CSNK2A2: variants seen among roughly 807,000 people sequenced by gnomAD.
The protein encoded by CSNK2A2 is casein kinase 2 alpha 2.
In CSNK2A2, 8 loss-of-function variants were observed where a neutral mutation model predicts 54.0. The ratio of observed to expected loss-of-function variants is 0.15; its 90% CI spans 0.09 to 0.27. The LOEUF (loss-of-function observed/expected upper bound fraction) is 0.27. Among genes scored for constraint, CSNK2A2 ranks in the 10% least tolerant of loss-of-function variants. The pLI, the probability that CSNK2A2 is intolerant of heterozygous loss-of-function variation, is 1.00. For synonymous variants in CSNK2A2, 141 were observed against 153.9 expected (o/e 0.92, Z 0.62); for missense variants, 242 against 439.4 (o/e 0.55, Z 4.02).
intron 4 of CSNK2A2, among the ~76,000 whole-genome samples, chr16:58,178,658 G>A (rs1050760051): frequency 6.6e-6 from 1 of 152,158 alleles, no homozygotes; most frequent in East Asian, 1.9e-4. Flanking sequence ...TCATTCATTC[G>A]TTTCGAAGTT....
At chr16:58,196,644 A>T in intron 2 of CSNK2A2, 89 bp downstream of exon 2, 2 of 811,054 alleles carry the variant, frequency 2.5e-6, no homozygotes, top group Non-Finnish European at 4.4e-6. Flanking sequence ...TCAAGCTTGC[A>T]TTGCCCATTA....
intron 2 of CSNK2A2, among the ~76,000 whole-genome samples, chr16:58,191,630 T>C (rs190478290): frequency 6.6e-6 from 1 of 152,192 alleles, no homozygotes; most frequent in Non-Finnish European, 1.5e-5. Context: ...ACCAAAGGGC[T>C]GGGATTACAG....
intron 2 of CSNK2A2, among the ~76,000 whole-genome samples, chr16:58,196,242 T>C (rs1962440999): frequency 6.6e-6 from 1 of 152,246 alleles, no homozygotes; most frequent in African/African-American, 2.4e-5. Context: ...ATTTGTGATG[T>C]CTGCACATTT....
chr16:58,176,724 C>T (rs1444782498), intron 4 of CSNK2A2, among the ~76,000 whole-genome samples: 1 of 152,172 alleles, frequency 6.6e-6, no homozygotes, highest in Non-Finnish European at 1.5e-5. Context: ...CTGCTTTCTA[C>T]AGAGCTGACA....
chr16:58,158,671 C>G (rs1477510677), intron 11 of CSNK2A2, among the ~76,000 whole-genome samples: 1 of 152,208 alleles, frequency 6.6e-6, no homozygotes, highest in Non-Finnish European at 1.5e-5. Flanking sequence ...GGAGAAGCCT[C>G]AGAGCCTCTT....
chr16:58,165,752 A>G (rs1205772696), intron 9 of CSNK2A2, 44 bp from the exon 10 acceptor site: 5 of 1,586,052 alleles, frequency 3.2e-6, no homozygotes, highest in Non-Finnish European at 4.3e-6. Flanking sequence ...ACTAAATTCA[A>G]CAAGAATCCT....
Position 58,197,705 on chromosome 16 carries a change from C to T in CSNK2A2, c.32G>A (p.Arg11Gln), listed in dbSNP as rs1396273832. The change falls in exon 1 of 12, where the codon CGG becomes CAG. Residue 11 changes from arginine (R) to glutamine (Q), a missense_variant. Coordinates refer to ENST00000262506, the MANE Select transcript of CSNK2A2 (RefSeq NM_001896.4). This position sits in a 1 kb window ranked among gnomAD's most constrained non-coding sequence, Gnocchi z 4.0. MPGPAAGSRA[R>Q]VYAEVNSLRS... ...CAGACTGTTCACCTCGGCGTAGACC[C>T]GGGCCCTGCTGCCCGCGGCCGGGCC... is the stretch of plus-strand genomic sequence containing the variant. 3 of 1,518,502 alleles carry T rather than the reference C, an allele frequency of 2.0e-6. No individual in the cohort carries two copies. The highest frequency in any genetic ancestry group is 4.1e-5 in the Admixed American group (2 of 48,476). 94.1% of individuals were successfully genotyped at this position (1,518,502 alleles called of 1,614,324 possible).
intron 2 of CSNK2A2, among the ~76,000 whole-genome samples, chr16:58,190,237 A>T (rs891492446): frequency 2.6e-5 from 4 of 152,196 alleles, no homozygotes; most frequent in Non-Finnish European, 4.4e-5. Context: ...ATTTTTTTTT[A>T]ACTTGAAATC....
At chr16:58,186,931 C>A in intron 2 of CSNK2A2, 75 bp from the exon 3 acceptor site, 2 of 1,148,130 alleles carry the variant, frequency 1.7e-6, no homozygotes, top group Non-Finnish European at 2.6e-6. Context: ...CAATGTTAGC[C>A]AATCAGATGG....
At chr16:58,185,294 T>G (rs948542452) in intron 3 of CSNK2A2, among the ~76,000 whole-genome samples, 1 of 152,184 alleles carries the variant, frequency 6.6e-6, no homozygotes, top group African/African-American at 2.4e-5. Context: ...TGATTAAAAA[T>G]TCTTCACCAG....
intron 5 of CSNK2A2, among the ~76,000 whole-genome samples, chr16:58,171,933 C>T (rs1961747552): frequency 7.3e-6 from 1 of 137,806 alleles, no homozygotes; most frequent in South Asian, 2.3e-4. Context: ...GAACCATAGG[C>T]ATGTACCACT....
Position 58,196,852 on chromosome 16 carries a change from A to C in CSNK2A2, c.105-8T>G. On this transcript the variant is annotated splice_polypyrimidine_tract_variant and splice_region_variant and intron_variant, in intron 1 of 11. Coordinates refer to ENST00000262506, the MANE Select transcript of CSNK2A2 (RefSeq NM_001896.4). ...TGGTAATCATCTTGATTACTGTAAAAGGAAGACACACACATAAATGCCAGG... is the reference window on the plus strand; with the variant it reads ...TGGTAATCATCTTGATTACTGTAAACGGAAGACACACACATAAATGCCAGG... 6.4e-7 allele frequency: 1 copy of C among 1,552,490 alleles called. No individual in the cohort carries two copies. The highest frequency in any genetic ancestry group is 1.1e-5 in the South Asian group (1 of 89,796).
chr16:58,162,771 C>T (rs1371680407), intron 11 of CSNK2A2: 1 of 152,110 alleles, frequency 6.6e-6, no homozygotes, highest in Non-Finnish European at 1.5e-5. Flanking sequence ...TGAAATCAGC[C>T]CTATTTTTGT....
chr16:58,196,018 C>G (rs1327763795), intron 2 of CSNK2A2, among the ~76,000 whole-genome samples: 3 of 152,218 alleles, frequency 2.0e-5, no homozygotes, highest in Non-Finnish European at 2.9e-5. Flanking sequence ...GCTTGAAATA[C>G]ATTTCTGAAG....
chr16:58,168,748 C>A (rs921690733), intron 5 of CSNK2A2, 55 bp from the exon 6 acceptor site: 3 of 1,336,176 alleles, frequency 2.2e-6, no homozygotes, highest in Admixed American at 1.7e-5. Context: ...CATCCCCCAA[C>A]GCAAGCATAG....
intron 10 of CSNK2A2, 81 bp from the exon 11 acceptor site, chr16:58,164,228 GGAAA>G (rs1311296216): frequency 3.0e-6 from 4 of 1,323,756 alleles, no homozygotes; most frequent in African/African-American, 2.9e-5. Flanking sequence ...CCCTTTCAAC[GGAAA>G]GAGAGACAGA....
intron 3 of CSNK2A2, 41 bp downstream of exon 3, chr16:58,186,714 C>T: frequency 7.0e-7 from 1 of 1,436,530 alleles, no homozygotes; most frequent in Non-Finnish European, 9.8e-7. Flanking sequence ...ATATCCACAC[C>T]CCGGTCTACT....
chr16:58,176,575 C>T (rs1277725975), intron 4 of CSNK2A2, among the ~76,000 whole-genome samples: 1 of 152,176 alleles, frequency 6.6e-6, no homozygotes, highest in African/African-American at 2.4e-5. Context: ...AGTCTGGCTT[C>T]CTCCGACTTT....
chr16:58,164,834 C>T (rs1419587934), intron 10 of CSNK2A2, among the ~76,000 whole-genome samples: 1 of 152,158 alleles, frequency 6.6e-6, no homozygotes, highest in Non-Finnish European at 1.5e-5. Context: ...AGTTCATCTC[C>T]AGAGGAAATC....
Sources: gnomAD v4.1 joint callset for allele counts (sites outside exome capture counted in the v4.1 genomes callset) on GRCh38, gnomAD v4.1.1 for gene constraint, Gnocchi (gnomAD v3.1) non-coding constraint, MANE v1.5 for transcripts, NCBI Gene and HGNC (gene_info 2026-07-23, HGNC 2026-07-21) for gene names.